The following CCDC146 variants were observed in gnomAD, a reference collection of about 807,000 sequenced individuals.
The protein encoded by CCDC146 is coiled-coil domain containing 146.
In CCDC146, 92 loss-of-function variants were observed where a neutral mutation model predicts 119.3. The observed-to-expected ratio is 0.77, with a 90% confidence interval of 0.65 to 0.92. The LOEUF is 0.92. CCDC146 is among the 40% of genes least tolerant of loss of function. The pLI, the probability that CCDC146 is intolerant of heterozygous loss-of-function variation, is 0.00. For synonymous variants in CCDC146, 372 were observed against 371.8 expected, an observed-to-expected ratio of 1.00 and a Z score of -0.01; for missense variants, 1,000 against 1,103.0, an observed-to-expected ratio of 0.91 and a Z score of 1.32.
rs376134545 is a variant in CCDC146, at chr7:77,279,041, G to A, written c.1634G>A (p.Arg545Lys). The A allele has an allele frequency of 6.2e-7, 1 of 1,607,998 alleles. No individual in the cohort carries two copies. The highest frequency in any genetic ancestry group is 1.3e-5 in the African/African-American group (1 of 74,692). ...CAGAAAGTAAATGAAATAAAAGAAA[G>A]GCATAAAATGTCATTAAATGAACTT... is the stretch of plus-strand genomic sequence containing the variant. ...AHQKVNEIKERHKMSLNELEI... is the reference protein window; with the variant it reads ...AHQKVNEIKEKHKMSLNELEI... Residue 545 changes from arginine to lysine, a missense_variant, in exon 13 of 19, where the codon AGG (arginine) becomes AAG (lysine). Physicochemically the swap from Arg to Lys is conservative, Grantham distance 26. Transcript: ENST00000285871.
chr7:77,256,401 G>T lies in CCDC146; in HGVS notation c.576G>T (p.Lys192Asn), dbSNP rs1044574387. 16 of 1,605,626 alleles carry T rather than the reference G, an allele frequency of 1.0e-5. No homozygotes were observed. The highest frequency in any genetic ancestry group is 3.4e-5 in the Admixed American group (2 of 58,642). ...TEELRKEIMQ[K>N]KLEIKNLRED... is the part of the protein sequence containing the mutation. ...AATTACGTAAAGAAATAATGCAGAAGAAATTAGAAATTAAAAATTTACGAG... is the reference window on the plus strand; with the variant it reads ...AATTACGTAAAGAAATAATGCAGAATAAATTAGAAATTAAAAATTTACGAG... The change falls in exon 6 of 19, where the codon AAG becomes AAT. Residue 192 changes from lysine to asparagine, a missense_variant. Around this residue, in one of 2 missense-constraint regions of CCDC146, gnomAD observed 985 missense variants for 1,045.3 expected, o/e 0.94. Coordinates refer to ENST00000285871, the MANE Select transcript of CCDC146 (RefSeq NM_020879.3).
chr7:77,155,848 GC>G (rs1584029868), intron 1 of CCDC146, among the ~76,000 whole-genome samples: 1 of 152,132 alleles, frequency 6.6e-6, no homozygotes, highest in Non-Finnish European at 1.5e-5. Context: ...GTAAGGTGCT[GC>G]CCCATCATGA....
At position 77,260,094 on chromosome 7, in the gene CCDC146, G is replaced by T. The variant is rs772217336; in HGVS notation, c.844G>T (p.Ala282Ser). The change falls in exon 8 of 19, where the codon GCT becomes TCT. Residue 282 changes from alanine (A) to serine (S), a missense_variant. Coordinates refer to ENST00000285871, the MANE Select transcript of CCDC146 (RefSeq NM_020879.3). ...AAAGAAAGTTGAAAACAAGGTTAGTGCTATAGTGGATGAGAAGGAAAATGT... is the reference window on the plus strand; with the variant it reads ...AAAGAAAGTTGAAAACAAGGTTAGTTCTATAGTGGATGAGAAGGAAAATGT... The part of the protein sequence containing the change: ...SLKKVENKVS[A>S]IVDEKENVIK... The T allele has an allele frequency of 1.2e-5, 19 of 1,613,858 alleles. No individual in the cohort carries two copies. In the East Asian group the frequency reaches 4.2e-4, roughly 36 times the overall value.
intron 2 of CCDC146, among the ~76,000 whole-genome samples, chr7:77,178,880 A>C (rs1323631044): frequency 6.6e-6 from 1 of 152,202 alleles, no homozygotes; most frequent in Non-Finnish European, 1.5e-5. Context: ...ATTTTAATAC[A>C]TTGGGGACTA....
chr7:77,255,013 G>A (rs562133308), intron 5 of CCDC146, among the ~76,000 whole-genome samples: 9 of 152,126 alleles, frequency 5.9e-5, no homozygotes, highest in Admixed American at 2.0e-4. Flanking sequence ...TCACAGTTCC[G>A]AATATTCTGG....
intron 2 of CCDC146, among the ~76,000 whole-genome samples, chr7:77,177,979 GGAA>G (rs1372893019): frequency 5.9e-4 from 89 of 152,126 alleles, no homozygotes; most frequent in African/African-American, 2.0e-3. Context: ...TTTCCAGTAT[GGAA>G]GAAGACCTTG....
intron 1 of CCDC146, among the ~76,000 whole-genome samples, chr7:77,127,631 T>C (rs1333499235): frequency 1.3e-5 from 2 of 152,146 alleles, no homozygotes; most frequent in Non-Finnish European, 2.9e-5. Flanking sequence ...TTTTATTTTA[T>C]GGAAGATTGT....
At chr7:77,195,527 G>C (rs1436627623) in intron 2 of CCDC146, 2 of 152,174 alleles carry the variant, frequency 1.3e-5, no homozygotes, top group Non-Finnish European at 2.9e-5. Flanking sequence ...AAATGATATA[G>C]ATTAAGTTTG....
At chr7:77,210,859 A>C (rs1792168798) in intron 2 of CCDC146, among the ~76,000 whole-genome samples, 1 of 152,056 alleles carries the variant, frequency 6.6e-6, no homozygotes. Flanking sequence ...GGGAGGTGCT[A>C]CACACTTCCA....
intron 2 of CCDC146, among the ~76,000 whole-genome samples, chr7:77,227,832 G>A (rs1792543783): frequency 6.6e-6 from 1 of 152,246 alleles, no homozygotes; most frequent in South Asian, 2.1e-4. Context: ...GGAAAAATTA[G>A]AAAACACAGG....
intron 1 of CCDC146, among the ~76,000 whole-genome samples, chr7:77,143,185 A>G (rs186487982): frequency 6.6e-6 from 1 of 151,694 alleles, no homozygotes; most frequent in African/African-American, 2.4e-5. Context: ...GCATTTTTTC[A>G]TGTGTCTGTT....
At chr7:77,244,445 A>G (rs984211379) in intron 4 of CCDC146, among the ~76,000 whole-genome samples, 8 of 152,014 alleles carry the variant, frequency 5.3e-5, no homozygotes, top group African/African-American at 1.9e-4. Flanking sequence ...CAGTCCTGCA[A>G]CCTCCGTTCA....
chr7:77,192,850 G>C (rs1791794380), intron 2 of CCDC146, among the ~76,000 whole-genome samples: 1 of 152,192 alleles, frequency 6.6e-6, no homozygotes, highest in African/African-American at 2.4e-5. Context: ...GTGAACCCAG[G>C]AGGCAGAGGT....
intron 4 of CCDC146, 115 bp from the exon 5 acceptor site, chr7:77,254,391 T>C: frequency 1.6e-6 from 1 of 612,570 alleles, no homozygotes; most frequent in South Asian, 2.0e-5. Flanking sequence ...GGACACCAGG[T>C]TGCCTGGCCG....
chr7:77,192,195 G>A (rs776472081), intron 2 of CCDC146, among the ~76,000 whole-genome samples: 81 of 152,140 alleles, frequency 5.3e-4, no homozygotes, highest in Non-Finnish European at 9.3e-4. Context: ...TTACAGGCAT[G>A]TGCCACCAAC....
intron 2 of CCDC146, among the ~76,000 whole-genome samples, chr7:77,181,232 A>G (rs1401689439): frequency 2.0e-5 from 3 of 152,156 alleles, no homozygotes; most frequent in Non-Finnish European, 4.4e-5. Flanking sequence ...TAAGGAATAG[A>G]TGAGGTAGGG....
chr7:77,199,231 T>A (rs1375437846), intron 2 of CCDC146: 1 of 1,614,010 alleles, frequency 6.2e-7, no homozygotes, highest in South Asian at 1.1e-5. Context: ...ACATTTGCCA[T>A]CCAAACTATT....
chr7:77,279,175 A>C, intron 13 of CCDC146, 74 bp downstream of exon 13: 3 of 1,502,224 alleles, frequency 2.0e-6, no homozygotes, highest in Non-Finnish European at 1.8e-6. Flanking sequence ...AATCCTGGGG[A>C]TAAGAAGATA....
chr7:77,233,267 TTTTTAG>T (rs1792669197), intron 2 of CCDC146, among the ~76,000 whole-genome samples: 2 of 151,996 alleles, frequency 1.3e-5, no homozygotes, highest in African/African-American at 2.4e-5. Flanking sequence ...TTTTTTTGTA[TTTTTAG>T]TAGAGATGGG....
Sources: allele counts gnomAD v4.1 joint callset (sites outside exome capture counted in the v4.1 genomes callset), GRCh38; gene constraint gnomAD v4.1.1; regional missense constraint gnomAD v4.1.1; transcripts MANE v1.5; gene names NCBI Gene and HGNC (gene_info 2026-07-23, HGNC 2026-07-21).